Variants in RAB19 observed in about 807,000 individuals in gnomAD.
The protein encoded by RAB19 is RAB19, member RAS oncogene family.
Under a neutral mutation model 17.3 loss-of-function variants are expected in RAB19, and 21 were observed. The observed-to-expected ratio is 1.21, with a 90% confidence interval of 0.86 to 1.74. The LOEUF (loss-of-function observed/expected upper bound fraction) is 1.74. Ranked by LOEUF, RAB19 falls within the 40% of genes most tolerant of loss-of-function variation. The pLI, the probability that RAB19 is intolerant of heterozygous loss-of-function variation, is 0.00. For synonymous variants in RAB19, 126 were observed against 110.4 expected (o/e 1.14, Z -0.88); for missense variants, 277 against 286.8 (o/e 0.97, Z 0.25).
At chr7:140,413,913 A>G (rs1252738592) in intron 3 of RAB19, among the ~76,000 whole-genome samples, 4 of 152,094 alleles carry the variant, frequency 2.6e-5, no homozygotes, top group Non-Finnish European at 4.4e-5. Context: ...TCTAAGCTAC[A>G]TGCGGTTTCC....
intron 2 of RAB19, among the ~76,000 whole-genome samples, chr7:140,410,322 T>TC (rs1563069934): frequency 8.1e-6 from 1 of 123,044 alleles, no homozygotes; most frequent in Non-Finnish European, 1.7e-5. Flanking sequence ...TCTTTTTTTT[T>TC]TTTTTTTTTT....
intron 3 of RAB19, among the ~76,000 whole-genome samples, chr7:140,419,929 T>C (rs1799527838): frequency 6.6e-6 from 1 of 152,228 alleles, no homozygotes; most frequent in African/African-American, 2.4e-5. Flanking sequence ...TATTCGGATA[T>C]CCTCTGTTGT....
At chr7:140,408,579 A>T (rs143473148) in intron 2 of RAB19, among the ~76,000 whole-genome samples, 12 of 152,090 alleles carry the variant, frequency 7.9e-5, no homozygotes, top group African/African-American at 2.6e-4. Context: ...GGGCTCAAGC[A>T]ATTCTCATGC....
intron 1 of RAB19, among the ~76,000 whole-genome samples, chr7:140,404,880 G>A (rs1799207966): frequency 6.6e-6 from 1 of 152,184 alleles, no homozygotes; most frequent in Admixed American, 6.6e-5. Flanking sequence ...ATGTGGAACA[G>A]GAATGTGATG....
Position 140,424,647 on chromosome 7 carries a change from GTGTATATATGTGTGTGTA to G in RAB19, c.386-1233_386-1216del, listed in dbSNP as rs1563075582. Among the ~76,000 whole-genome samples, 74 of 127,476 alleles carry G rather than the reference GTGTATATATGTGTGTGTA, an allele frequency of 5.8e-4. 1 individual carries two copies. Among genetic ancestry groups the G allele is most frequent in the African/African-American group, 2.5e-3 (71 of 28,276 alleles). 83.6% of individuals were successfully genotyped at this position (127,476 alleles called of 152,430 possible). ...TATATATATATATATATATGTGTGT[GTGTATATATGTGTGTGTA>G]TATATATATATATATATACACATAT... On this transcript the variant is annotated intron_variant, in intron 3 of 3. Transcript: ENST00000537763.
chr7:140,414,920 G>A (rs1799428178), intron 3 of RAB19, among the ~76,000 whole-genome samples: 1 of 151,976 alleles, frequency 6.6e-6, no homozygotes, highest in Non-Finnish European at 1.5e-5. Flanking sequence ...AACCCTCAGA[G>A]GCCCCCATTT....
chr7:140,422,855 C>A (rs1455703302), intron 3 of RAB19, among the ~76,000 whole-genome samples: 1 of 152,170 alleles, frequency 6.6e-6, no homozygotes, highest in Non-Finnish European at 1.5e-5. Flanking sequence ...CACCTGTAAT[C>A]CCAGCACTTT....
intron 3 of RAB19, among the ~76,000 whole-genome samples, chr7:140,415,599 G>T (rs1345737645): frequency 6.6e-6 from 1 of 152,160 alleles, no homozygotes; most frequent in Non-Finnish European, 1.5e-5. Context: ...ATGCCGCATG[G>T]CCAAATACAT....
chr7:140,416,124 C>T (rs1198082080), intron 3 of RAB19, among the ~76,000 whole-genome samples: 4 of 152,136 alleles, frequency 2.6e-5, no homozygotes, highest in African/African-American at 4.8e-5. Context: ...GGGCAGATCA[C>T]CTGAGGTCGG....
chr7:140,424,931 G>T (rs1328267960), intron 3 of RAB19, among the ~76,000 whole-genome samples: 1 of 151,902 alleles, frequency 6.6e-6, no homozygotes, highest in African/African-American at 2.4e-5. Flanking sequence ...TTTATCTTTA[G>T]ATTCCTGCCT....
In RAB19 at chr7:140,409,199, A is replaced by T. The variant is rs142837266; in HGVS notation, c.201+1352A>T. Among the ~76,000 whole-genome samples, 1,163 of 151,840 alleles carry T rather than the reference A, an allele frequency of 7.7e-3. 8 individuals are homozygous for T. Among genetic ancestry groups the T allele is most frequent in the African/African-American group, 0.027 (1,116 of 41,418 alleles). On this transcript the variant is annotated intron_variant, in intron 2 of 3. Coordinates refer to ENST00000537763, the MANE Select transcript of RAB19 (RefSeq NM_001008749.3). ...GCCAACATGGTGAAACCCTGTCTCT[A>T]CTAAAAATACAAAAATTATCCAGGC...
In RAB19 at chr7:140,426,187, C is replaced by T. The variant is rs760953309; in HGVS notation, c.*37C>T. On this transcript the variant is annotated 3_prime_UTR_variant, in exon 4 of 4. Transcript: ENST00000537763. ...AGCCAGTTGCACCCACCAAAGAGGC[C>T]GCCTCTGAAACCAAAGGTAGCCAGG... is the stretch of plus-strand genomic sequence containing the variant. The T allele has an allele frequency of 1.0e-5, 16 of 1,591,940 alleles. No homozygotes were observed. Among genetic ancestry groups the T allele is most frequent in the Admixed American group, 1.8e-5 (1 of 56,380 alleles).
intron 3 of RAB19, among the ~76,000 whole-genome samples, chr7:140,423,006 GC>G (rs1358759056): frequency 6.6e-6 from 1 of 151,484 alleles, no homozygotes; most frequent in Non-Finnish European, 1.5e-5. Context: ...TATTCGAGAA[GC>G]TGAAGCGGGA....
intron 3 of RAB19, among the ~76,000 whole-genome samples, chr7:140,414,701 C>T (rs567606553): frequency 6.6e-6 from 1 of 152,266 alleles, no homozygotes; most frequent in African/African-American, 2.4e-5. Flanking sequence ...CAGAAAAATT[C>T]GTGTTGTCCC....
intron 3 of RAB19, among the ~76,000 whole-genome samples, chr7:140,425,438 A>G (rs796756083): frequency 2.0e-5 from 3 of 152,148 alleles, no homozygotes; most frequent in African/African-American, 7.2e-5. Flanking sequence ...TAAAAAGAGG[A>G]GCAAGGGCCG....
chr7:140,415,157 C>A (rs1009509569), intron 3 of RAB19, among the ~76,000 whole-genome samples: 1 of 151,908 alleles, frequency 6.6e-6, no homozygotes, highest in Non-Finnish European at 1.5e-5. Context: ...TCACTGCAAC[C>A]TCCACCACCC....
At chr7:140,414,363 C>T (rs1243005967) in intron 3 of RAB19, among the ~76,000 whole-genome samples, 1 of 152,132 alleles carries the variant, frequency 6.6e-6, no homozygotes, top group Non-Finnish European at 1.5e-5. Context: ...TCTCTGAAGG[C>T]AGCGACCTGT....
chr7:140,412,890 C>T (rs1212758868), intron 3 of RAB19, among the ~76,000 whole-genome samples: 1 of 151,586 alleles, frequency 6.6e-6, no homozygotes, highest in Non-Finnish European at 1.5e-5. Flanking sequence ...CTTTGGAGGG[C>T]GAGGCAGGTA....
At chr7:140,422,991 C>T (rs1302231381) in intron 3 of RAB19, among the ~76,000 whole-genome samples, 1 of 151,132 alleles carries the variant, frequency 6.6e-6, no homozygotes, top group Non-Finnish European at 1.5e-5. Flanking sequence ...GCCTGTAATC[C>T]CAGTTATTCG....
Sources: gnomAD v4.1 joint callset for allele counts (sites outside exome capture counted in the v4.1 genomes callset) on GRCh38, gnomAD v4.1.1 for gene constraint, MANE v1.5 for transcripts, NCBI Gene and HGNC (gene_info 2026-07-23, HGNC 2026-07-21) for gene names.